The following MFNG variants were observed in gnomAD, a reference collection of about 807,000 sequenced individuals.
The protein encoded by MFNG is MFNG O-fucosylpeptide 3-beta-N-acetylglucosaminyltransferase, also known as beta-1,3-N-acetylglucosaminyltransferase manic fringe.
In MFNG, 24 loss-of-function variants were observed where a neutral mutation model predicts 34.2. The ratio of observed to expected loss-of-function variants is 0.70; its 90% CI spans 0.51 to 0.99. The LOEUF is 0.99. Among genes scored for constraint, MFNG ranks in the 50% least tolerant of loss-of-function variants. The probability of loss-of-function intolerance (pLI) is 0.00; values close to 1 mark genes in which losing one functional copy is unlikely to be tolerated. For synonymous variants in MFNG, 158 were observed against 179.2 expected (o/e 0.88, Z 0.94); for missense variants, 383 against 424.0 (o/e 0.90, Z 0.85).
In MFNG at chr22:37,482,408, TTC is replaced by T. The variant is rs200896675; in HGVS notation, c.256-1641_256-1640del. ...ATTACTTCCTGTCCACCCCTGGGGCTTCTCTCTCTGTCTCTCTCTCTCACACA... is the reference window on the plus strand; with the variant it reads ...ATTACTTCCTGTCCACCCCTGGGGCTTCTCTCTGTCTCTCTCTCTCACACA... On this transcript the variant is annotated intron_variant, in intron 1 of 7. Transcript: ENST00000356998. This position sits in a 1 kb window ranked among gnomAD's most constrained non-coding sequence, Gnocchi z 4.1. Among the ~76,000 whole-genome samples, 2 of 151,746 alleles carry T rather than the reference TTC, an allele frequency of 1.3e-5. No homozygotes were observed. The highest frequency in any genetic ancestry group is 4.8e-5 in the African/African-American group (2 of 41,260).
At chr22:37,472,422 G>A in intron 7 of MFNG, 21 bp downstream of exon 7, 1 of 1,551,798 alleles carries the variant, frequency 6.4e-7, no homozygotes, top group South Asian at 1.2e-5. Context: ...TCCCATCCAA[G>A]GTTCCAGCCC....
chr22:37,474,382 A>G lies in MFNG; in HGVS notation c.813+130T>C, dbSNP rs374620153. ...ACCCTAGGCCTCAGTTTCCCCATCA[A>G]TAGGGAATACCCAAGACCCATAATC... is the stretch of plus-strand genomic sequence containing the variant. On this transcript the variant is annotated intron_variant, in intron 6 of 7. Transcript: ENST00000356998. The G allele has an allele frequency of 7.6e-5, 84 of 1,112,464 alleles. No homozygotes were observed. The African/African-American group carries it at 1.2e-3, about 16-fold the overall frequency. 68.9% of individuals were successfully genotyped at this position (1,112,464 alleles called of 1,614,324 possible). A position where few individuals can be genotyped will look rare whatever the true frequency, so the allele number is the denominator to read the frequency against.
At chr22:37,484,360 C>A in intron 1 of MFNG, 1 of 152,640 alleles carries the variant, frequency 6.6e-6, no homozygotes, top group East Asian at 1.9e-4. Context: ...AAGGGGAGGG[C>A]CTTGGCTGAG....
At chr22:37,480,617 TG>T in intron 2 of MFNG, 103 bp downstream of exon 2, 1 of 1,096,090 alleles carries the variant, frequency 9.1e-7, no homozygotes, top group Non-Finnish European at 1.4e-6. Context: ...ATGCCAAGGG[TG>T]GGCGGCCCAT....
At chr22:37,479,262 C>T in intron 4 of MFNG, 83 bp downstream of exon 4, 1 of 1,439,112 alleles carries the variant, frequency 6.9e-7, no homozygotes, top group Non-Finnish European at 9.1e-7. Context: ...CCTCTCACCT[C>T]TCTAGCACAC....
intron 6 of MFNG, 111 bp from the exon 7 acceptor site, chr22:37,472,639 G>T: frequency 9.2e-7 from 1 of 1,082,190 alleles, no homozygotes; most frequent in Non-Finnish European, 1.3e-6. Context: ...AAAGCTGCCC[G>T]GGAACCTGAA....
chr22:37,470,332 C>T (rs1223160246), intron 7 of MFNG, among the ~76,000 whole-genome samples: 3 of 152,156 alleles, frequency 2.0e-5, no homozygotes, highest in Non-Finnish European at 4.4e-5. Context: ...ACTTGAGAAC[C>T]GCTAGTTTGG....
At position 37,479,469 on chromosome 22, in the gene MFNG, T is replaced by A. The variant is rs754508062; in HGVS notation, c.437A>T (p.Tyr146Phe). 3 of 1,610,840 alleles carry A rather than the reference T, an allele frequency of 1.9e-6. No homozygotes were observed. The highest frequency in any genetic ancestry group is 2.5e-6 in the Non-Finnish European group (3 of 1,178,684). The change falls in exon 4 of 8, where the codon TAT becomes TTT. Residue 146 changes from tyrosine (Y) to phenylalanine (F), a missense_variant. Tyr to Phe is a conservative substitution (Grantham distance 22). Coordinates refer to ENST00000356998, the MANE Select transcript of MFNG (RefSeq NM_002405.4). ...RWFCHVDDDN[Y>F]VNPRALLQLL... is the part of the protein sequence containing the mutation. ...CTGCAGCAGCGCCCTTGGGTTCACATAGTTGTCATCGTCCACATGGCAGAA... is the reference window on the plus strand; with the variant it reads ...CTGCAGCAGCGCCCTTGGGTTCACAAAGTTGTCATCGTCCACATGGCAGAA...
At chr22:37,477,555 T>A (rs1922099221) in intron 4 of MFNG, among the ~76,000 whole-genome samples, 1 of 152,062 alleles carries the variant, frequency 6.6e-6, no homozygotes, top group Non-Finnish European at 1.5e-5. Context: ...CAAGCGATTC[T>A]CCAGCCTCAG....
chr22:37,472,399 C>T, intron 7 of MFNG, 44 bp downstream of exon 7: 2 of 1,454,544 alleles, frequency 1.4e-6, no homozygotes, highest in Non-Finnish European at 1.9e-6. Context: ...TGCCTGGACT[C>T]AGCCCCCACT....
Position 37,485,737 on chromosome 22 carries a change from G to A in MFNG, c.255+186C>T, listed in dbSNP as rs550446914. On this transcript the variant is annotated intron_variant, in intron 1 of 7. Transcript: ENST00000356998. This position sits in a 1 kb window ranked among gnomAD's most constrained non-coding sequence, Gnocchi z 5.3. ...CACCTGGAGTCAGGACCAGTACAGGGCACGGGCAGGGCCGCAGGCAGCCCC... is the reference window on the plus strand; with the variant it reads ...CACCTGGAGTCAGGACCAGTACAGGACACGGGCAGGGCCGCAGGCAGCCCC... Among the ~76,000 whole-genome samples, 5 of 152,320 alleles carry A rather than the reference G, an allele frequency of 3.3e-5. No homozygotes were observed. The East Asian group carries it at 9.7e-4, about 29-fold the overall frequency.
At chr22:37,477,746 G>A (rs569723303) in intron 4 of MFNG, among the ~76,000 whole-genome samples, 6 of 152,108 alleles carry the variant, frequency 3.9e-5, no homozygotes, top group Non-Finnish European at 5.9e-5. Flanking sequence ...CACCGCGCCC[G>A]GCCTCAGATC....
At chr22:37,471,743 A>C (rs557461147) in intron 7 of MFNG, among the ~76,000 whole-genome samples, 1 of 142,188 alleles carries the variant, frequency 7.0e-6, no homozygotes, top group South Asian at 2.3e-4. Context: ...AGGCAGAAGA[A>C]TTGTTTGAAC....
intron 6 of MFNG, 136 bp downstream of exon 6, chr22:37,474,376 C>T: frequency 9.6e-7 from 1 of 1,043,772 alleles, no homozygotes; most frequent in Non-Finnish European, 1.4e-6. Flanking sequence ...CTCAGTTTCC[C>T]CATCAATAGG....
rs543874871 is a variant in MFNG at position 37,472,475 on chromosome 22, C to T, written c.867G>A (p.Gln289=). ...FEGKLNVIKL[Q]GPFSPEEDPS... is the part of the protein sequence containing the mutation. ...GGTCCTCCTCCGGGGAGAAGGGGCC[C>T]TGTAGCTTAATGACGTTGAGTTTCC... The change falls in exon 7 of 8, where the codon CAG becomes CAA. Residue 289 remains glutamine, a synonymous_variant. Transcript: ENST00000356998. 5 of 1,584,050 alleles carry T rather than the reference C, an allele frequency of 3.2e-6. No individual in the cohort carries two copies. The highest frequency in any genetic ancestry group is 2.4e-5 in the East Asian group (1 of 41,582).
intron 1 of MFNG, chr22:37,481,000 A>C (rs988126281): frequency 1.9e-6 from 1 of 538,026 alleles, no homozygotes. Context: ...ACATACACTC[A>C]CCCCCTTTCC....
rs1921718675 is a variant in MFNG, at chr22:37,469,713, G to T, written c.*250C>A. The T allele has an allele frequency of 3.3e-6, 2 of 610,206 alleles. No homozygotes were observed. The highest frequency in any genetic ancestry group is 6.1e-6 in the Non-Finnish European group (2 of 326,076). The allele number at this position is 610,206 out of a possible 1,614,324, so 37.8% of individuals were successfully genotyped here. A position where few individuals can be genotyped will look rare whatever the true frequency, so the allele number is the denominator to read the frequency against. On this transcript the variant is annotated 3_prime_UTR_variant, in exon 8 of 8. Transcript: ENST00000356998. ...CCTTTTTCAATTCAGCCTCCTGAGGGAGTCTAGCCCCTGGAGCCTCTCTGG... is the reference window on the plus strand; with the variant it reads ...CCTTTTTCAATTCAGCCTCCTGAGGTAGTCTAGCCCCTGGAGCCTCTCTGG...
At chr22:37,470,717 C>T (rs1921767718) in intron 7 of MFNG, among the ~76,000 whole-genome samples, 2 of 152,234 alleles carry the variant, frequency 1.3e-5, no homozygotes, top group Non-Finnish European at 2.9e-5. Flanking sequence ...CACTGCAGAA[C>T]GTCAGGGCCA....
Position 37,486,339 on chromosome 22 carries a change from G to C in MFNG, c.-162C>G. On this transcript the variant is annotated 5_prime_UTR_variant, in exon 1 of 8. Transcript: ENST00000356998. Reference sequence around the variant, plus strand: ...AGCTGAGGCTCTGGACCCAGAGGCTGAGCCATGGCAGCACGATCTCGACCG... The same window carrying C: ...AGCTGAGGCTCTGGACCCAGAGGCTCAGCCATGGCAGCACGATCTCGACCG... 3 of 691,944 alleles carry C rather than the reference G, an allele frequency of 4.3e-6. No individual in the cohort carries two copies. Among genetic ancestry groups the C allele is most frequent in the Non-Finnish European group, 4.2e-6 (2 of 472,960 alleles). 42.9% of individuals were successfully genotyped at this position (691,944 alleles called of 1,614,324 possible). A position where few individuals can be genotyped will look rare whatever the true frequency, so the allele number is the denominator to read the frequency against.
Sources: allele counts gnomAD v4.1 joint callset (sites outside exome capture counted in the v4.1 genomes callset), GRCh38; gene constraint gnomAD v4.1.1; non-coding constraint Gnocchi (gnomAD v3.1); transcripts MANE v1.5; gene names NCBI Gene and HGNC (gene_info 2026-07-23, HGNC 2026-07-21).